The following DAB2IP variants were observed in gnomAD, a reference collection of about 807,000 sequenced individuals.
DAB2IP encodes the protein disabled homolog 2-interacting protein.
DAB2IP carries 28 observed loss-of-function variants against 107.2 expected under a neutral mutation model. That is an observed-to-expected ratio of 0.26 (90% CI 0.19 to 0.36). The LOEUF (loss-of-function observed/expected upper bound fraction) is 0.36. DAB2IP is among the 10% of genes least tolerant of loss of function. The pLI, the probability that DAB2IP is intolerant of heterozygous loss-of-function variation, is 1.00. For missense variants in DAB2IP, 1,400 were observed against 1,644.7 expected, an observed-to-expected ratio of 0.85 and a Z score of 2.57; for synonymous variants, 755 against 706.4, an observed-to-expected ratio of 1.07 and a Z score of -1.09.
chr9:121,574,688 A>G (rs580010), intron 1 of DAB2IP, among the ~76,000 whole-genome samples: 90,409 of 151,938 alleles, frequency 0.6, 27,620 homozygotes, highest in Middle Eastern at 0.71. Flanking sequence ...AGGACTCCCA[A>G]GATCCTGTGA....
chr9:121,583,047 G>A (rs1269115372), intron 1 of DAB2IP, among the ~76,000 whole-genome samples: 3 of 152,242 alleles, frequency 2.0e-5, no homozygotes, highest in African/African-American at 7.2e-5. Context: ...AGAAGGGGAA[G>A]GAGAAGGAGC....
rs146579173 is a variant in DAB2IP at position 121,686,318 on chromosome 9, G to A, written c.228+7537G>A. Among the ~76,000 whole-genome samples, 131 of 152,298 alleles carry A rather than the reference G, an allele frequency of 8.6e-4. 2 individuals are homozygous for A. The highest frequency in any genetic ancestry group is 6.8e-3 in the Middle Eastern group (2 of 294). ...TTGGGCAGTGTGAGTGAGGAGGATG[G>A]AAGTGAAGGGAACAAGCCAGCCTCT... is the stretch of plus-strand genomic sequence containing the variant. On this transcript the variant is annotated intron_variant, in intron 2 of 15. Transcript: ENST00000408936.
intron 8 of DAB2IP, 150 bp downstream of exon 8, chr9:121,764,029 G>A: frequency 9.0e-7 from 1 of 1,114,882 alleles, no homozygotes; most frequent in Non-Finnish European, 1.3e-6. Context: ...GCTCTCAGGT[G>A]GGGCAGCGTT....
chr9:121,756,314 G>A (rs1048678133), intron 3 of DAB2IP, among the ~76,000 whole-genome samples: 1 of 152,224 alleles, frequency 6.6e-6, no homozygotes, highest in African/African-American at 2.4e-5. Context: ...TGGGTGCCGG[G>A]TGGCATCAGC....
In DAB2IP at chr9:121,599,776, G is replaced by A. The variant is rs967515880; in HGVS notation, c.40+32548G>A. Among the ~76,000 whole-genome samples the A allele has an allele frequency of 6.6e-6, 1 of 152,098 alleles. No individual in the cohort carries two copies. Among genetic ancestry groups the A allele is most frequent in the Admixed American group, 6.5e-5 (1 of 15,282 alleles). ...CGGCCCGCGCGTAGAGGTAAAAGCT[G>A]GGGGCCGCGGCTCAGGTGGAGGGGG... On this transcript the variant is annotated intron_variant, in intron 1 of 16. Coordinates refer to the DAB2IP transcript ENST00000259371. The surrounding 1 kb of genome is among the most constrained non-coding windows in gnomAD (Gnocchi z 6.9).
Position 121,768,640 on chromosome 9 carries a change from G to A in DAB2IP, c.1899+7G>A, listed in dbSNP as rs1326894239. 1.9e-6 allele frequency: 3 copies of A among 1,613,040 alleles called. No homozygotes were observed. Among genetic ancestry groups the A allele is most frequent in the Admixed American group, 1.7e-5 (1 of 60,006 alleles). ...CGTCAGCCAGCTGGAGCAGGTGCCT[G>A]TTGCCGTGGGGCGGAGGTGGGGCCA... On this transcript the variant is annotated splice_region_variant and intron_variant, in intron 10 of 15. Transcript: ENST00000408936.
chr9:121,763,193 A>G (rs1834017371), intron 6 of DAB2IP, among the ~76,000 whole-genome samples: 1 of 152,140 alleles, frequency 6.6e-6, no homozygotes, highest in Non-Finnish European at 1.5e-5. Flanking sequence ...CTGTACATGG[A>G]AATGAGTCCA....
chr9:121,683,470 A>G (rs1192144826), intron 2 of DAB2IP, among the ~76,000 whole-genome samples: 9 of 152,142 alleles, frequency 5.9e-5, no homozygotes, highest in Non-Finnish European at 1.5e-5. Flanking sequence ...GGGAAACTTG[A>G]CAGCCAATTG....
intron 14 of DAB2IP, among the ~76,000 whole-genome samples, chr9:121,780,132 C>T (rs552676823): frequency 1.3e-5 from 2 of 152,354 alleles, no homozygotes; most frequent in East Asian, 3.9e-4. Flanking sequence ...GTGATCCTCC[C>T]TCCCTGGCCT....
intron 3 of DAB2IP, among the ~76,000 whole-genome samples, chr9:121,750,699 A>G (rs76667706): frequency 6.6e-6 from 1 of 152,122 alleles, no homozygotes; most frequent in African/African-American, 2.4e-5. Flanking sequence ...TGCTGTGTCA[A>G]GTAGGGATTT....
rs76986224 is a variant in DAB2IP, at chr9:121,782,994, C to G, written c.*496C>G. 1.5e-4 allele frequency: 149 copies of G among 1,019,358 alleles called. 6 individuals carry two copies. In the East Asian group the frequency reaches 6.3e-3, roughly 43 times the overall value. The allele number at this position is 1,019,358 out of a possible 1,614,324, so 63.1% of individuals were successfully genotyped here. On this transcript the variant is annotated 3_prime_UTR_variant, in exon 16 of 16. Transcript: ENST00000408936. The surrounding 1 kb of genome is among the most constrained non-coding windows in gnomAD (Gnocchi z 6.1). ...ATGTGGGACCTGGCACTTGGCAGAT[C>G]AGTTGGCAGGCAGGAAGATAGGAGG...
chr9:121,619,930 T>C (rs1172058366), intron 1 of DAB2IP, among the ~76,000 whole-genome samples: 2 of 151,714 alleles, frequency 1.3e-5, no homozygotes, highest in African/African-American at 4.8e-5. Context: ...AGAACCCCTA[T>C]TTGGGTGGAG....
intron 1 of DAB2IP, among the ~76,000 whole-genome samples, chr9:121,583,376 G>A (rs990176017): frequency 7.9e-5 from 12 of 152,194 alleles, no homozygotes; most frequent in Admixed American, 5.9e-4. Flanking sequence ...GGGCAACTGA[G>A]TGAGACTCTG....
intron 1 of DAB2IP, 103 bp from the exon 2 acceptor site, chr9:121,678,575 A>C: frequency 2.1e-6 from 2 of 946,946 alleles, no homozygotes; most frequent in Non-Finnish European, 2.9e-6. Flanking sequence ...TTTTCTAGGG[A>C]CCGGTTTGTC....
At chr9:121,616,451 G>A (rs565206564) in intron 1 of DAB2IP, among the ~76,000 whole-genome samples, 36 of 152,322 alleles carry the variant, frequency 2.4e-4, no homozygotes, top group African/African-American at 8.7e-4. Context: ...GGGAAGGTGT[G>A]GGTGCAGAGG....
intron 3 of DAB2IP, among the ~76,000 whole-genome samples, chr9:121,709,209 C>T (rs1830208360): frequency 6.6e-6 from 1 of 152,212 alleles, no homozygotes. Flanking sequence ...TGGCACAGGG[C>T]TGGCCCAGTC....
rs146927111 is a variant in DAB2IP at position 121,698,164 on chromosome 9, C to A, written c.229-1161C>A. 3.2e-3 allele frequency among the ~76,000 whole-genome samples: 480 copies of A among 152,258 alleles called. 3 individuals are homozygous for A. The highest frequency in any genetic ancestry group is 0.016 in the East Asian group (83 of 5,156). On this transcript the variant is annotated intron_variant, in intron 2 of 15. Coordinates refer to ENST00000408936, the Ensembl canonical transcript of DAB2IP. The surrounding 1 kb of genome is among the most constrained non-coding windows in gnomAD (Gnocchi z 4.1). ...GTATTTGGATTATGTACATTAACCT[C>A]AAATTAAATTAATATCCCACTTGCC... is the stretch of plus-strand genomic sequence containing the variant.
intron 1 of DAB2IP, among the ~76,000 whole-genome samples, chr9:121,644,791 GCAGTGATCTGGGGTCACA>G (rs781550199): frequency 2.6e-5 from 4 of 152,156 alleles, no homozygotes; most frequent in Non-Finnish European, 4.4e-5. Context: ...GAGAGGTGAG[GCAGTGATCTGGGGTCACA>G]CAGTGAAGAG....
intron 1 of DAB2IP, among the ~76,000 whole-genome samples, chr9:121,607,403 A>G (rs1224781570): frequency 6.6e-6 from 1 of 152,070 alleles, no homozygotes; most frequent in Non-Finnish European, 1.5e-5. Context: ...CCTGGGCTCA[A>G]GCAATCCTCC....
Sources: gnomAD v4.1 joint callset for allele counts (sites outside exome capture counted in the v4.1 genomes callset) on GRCh38, gnomAD v4.1.1 for gene constraint, Gnocchi (gnomAD v3.1) non-coding constraint, MANE v1.5 for transcripts, NCBI Gene and HGNC (gene_info 2026-07-23, HGNC 2026-07-21) for gene names.